AKAP19: variants seen among roughly 807,000 people sequenced by gnomAD.
The protein encoded by AKAP19 is small A-kinase anchoring protein.
At chr2:190,048,177 G>T in the AKAP19 span, among the ~76,000 whole-genome samples, 1 of 152,156 alleles carries the variant, frequency 6.6e-6, no homozygotes, top group African/African-American at 2.4e-5. Context: ...TAAATTCTAT[G>T]AAAATTATGT....
chr2:190,145,918 A>G, the AKAP19 span, among the ~76,000 whole-genome samples: 1 of 150,082 alleles, frequency 6.7e-6, no homozygotes. Context: ...TCAAAGGTAA[A>G]TGCATCTGAA....
the AKAP19 span, among the ~76,000 whole-genome samples, chr2:189,945,175 T>C: frequency 6.6e-6 from 1 of 151,908 alleles, no homozygotes; most frequent in Non-Finnish European, 1.5e-5. Context: ...ACAATGCACC[T>C]CATGGAACTA....
the AKAP19 span, among the ~76,000 whole-genome samples, chr2:190,131,789 C>A: frequency 6.6e-5 from 10 of 152,144 alleles, no homozygotes; most frequent in African/African-American, 2.4e-4. Context: ...GCCACAGAAT[C>A]TGCCAGAAAA....
the AKAP19 span, among the ~76,000 whole-genome samples, chr2:189,956,486 G>A: frequency 6.6e-6 from 1 of 152,086 alleles, no homozygotes; most frequent in African/African-American, 2.4e-5. Context: ...ATATTTTCAA[G>A]AGCACTTAGA....
At chr2:190,029,298 C>T in the AKAP19 span, among the ~76,000 whole-genome samples, 1,789 of 152,024 alleles carry the variant, frequency 0.012, 39 homozygotes, top group African/African-American at 0.041. Context: ...GTAATCTGCC[C>T]GCCTCGGCCT....
At chr2:190,195,941 CTTTTTTTTT>C in the AKAP19 span, among the ~76,000 whole-genome samples, 2 of 86,210 alleles carry the variant, frequency 2.3e-5, no homozygotes, top group Non-Finnish European at 4.6e-5. Context: ...CTGTGTCCAG[CTTTTTTTTT>C]TTTTTTTTTT....
the AKAP19 span, among the ~76,000 whole-genome samples, chr2:189,883,507 GTTTTT>G: frequency 8.1e-6 from 1 of 123,774 alleles, no homozygotes; most frequent in Non-Finnish European, 1.8e-5. Flanking sequence ...GTTTCTTCCT[GTTTTT>G]TTTTTTTTTT....
the AKAP19 span, among the ~76,000 whole-genome samples, chr2:189,936,543 T>C: frequency 6.6e-6 from 1 of 152,170 alleles, no homozygotes; most frequent in Admixed American, 6.5e-5. Context: ...CAGGTAGTAA[T>C]ATTTTAATAT....
chr2:190,099,282 C>T, the AKAP19 span, among the ~76,000 whole-genome samples: 1 of 152,174 alleles, frequency 6.6e-6, no homozygotes, highest in African/African-American at 2.4e-5. Context: ...TCACATGTGA[C>T]TGTTCCTTTC....
chr2:190,057,813 T>A, the AKAP19 span, among the ~76,000 whole-genome samples: 1 of 152,088 alleles, frequency 6.6e-6, no homozygotes, highest in Non-Finnish European at 1.5e-5. Context: ...ATTTTCCCCT[T>A]ATGTCTCAAA....
the AKAP19 span, among the ~76,000 whole-genome samples, chr2:190,108,974 T>G: frequency 6.6e-6 from 1 of 152,194 alleles, no homozygotes; most frequent in Non-Finnish European, 1.5e-5. Context: ...CTCTGATTAC[T>G]TCATAGATGT....
chr2:189,993,264 T>C, the AKAP19 span, among the ~76,000 whole-genome samples: 4 of 152,358 alleles, frequency 2.6e-5, no homozygotes, highest in South Asian at 2.1e-4. Context: ...TCTGCATCTA[T>C]TGAGATCATA....
the AKAP19 span, among the ~76,000 whole-genome samples, chr2:190,075,653 C>G: frequency 1.3e-5 from 2 of 152,118 alleles, no homozygotes; most frequent in Non-Finnish European, 2.9e-5. Context: ...TATAGCCACC[C>G]AGCTTTCTTA....
the AKAP19 span, among the ~76,000 whole-genome samples, chr2:190,076,117 C>T: frequency 6.6e-6 from 1 of 152,068 alleles, no homozygotes; most frequent in Non-Finnish European, 1.5e-5. Flanking sequence ...AAATAATTTT[C>T]TATAAAAAGC....
the AKAP19 span, among the ~76,000 whole-genome samples, chr2:190,108,723 G>A: frequency 2.7e-5 from 4 of 150,418 alleles, no homozygotes; most frequent in Non-Finnish European, 5.9e-5. Flanking sequence ...GGGAGATTAA[G>A]AAGTTAGAAT....
chr2:190,118,095 G>A, the AKAP19 span, among the ~76,000 whole-genome samples: 10 of 152,254 alleles, frequency 6.6e-5, no homozygotes, highest in East Asian at 5.8e-4. Context: ...ACACCTCTAC[G>A]CAAATAAACT....
the AKAP19 span, among the ~76,000 whole-genome samples, chr2:190,119,895 G>A: frequency 3.9e-5 from 6 of 152,200 alleles, no homozygotes; most frequent in African/African-American, 1.4e-4. Context: ...AGTTATAGGA[G>A]AAATAGTAGA....
the AKAP19 span, among the ~76,000 whole-genome samples, chr2:190,053,075 T>C: frequency 6.6e-6 from 1 of 152,334 alleles, no homozygotes; most frequent in Admixed American, 6.5e-5. Flanking sequence ...TTCTTTCTTA[T>C]AGTAATCCAA....
At chr2:190,138,511 T>C in the AKAP19 span, among the ~76,000 whole-genome samples, 1 of 152,216 alleles carries the variant, frequency 6.6e-6, no homozygotes, top group Non-Finnish European at 1.5e-5. Flanking sequence ...TACACTTGCA[T>C]TCAGTCAACA....
Sources: gnomAD v4.1 joint callset for allele counts (sites outside exome capture counted in the v4.1 genomes callset) on GRCh38, gnomAD v4.1.1 for gene constraint, MANE v1.5 for transcripts, NCBI Gene and HGNC (gene_info 2026-07-23, HGNC 2026-07-21) for gene names.